PCSK6: variants seen among roughly 807,000 people sequenced by gnomAD.
PCSK6 encodes paired basic amino acid cleaving enzyme 4.
A neutral mutation model predicts 123.3 loss-of-function variants in PCSK6; 85 were observed. The observed-to-expected ratio is 0.69, with a 90% CI of 0.58 to 0.83. The LOEUF (loss-of-function observed/expected upper bound fraction) is 0.83. PCSK6 is among the 40% of genes least tolerant of loss of function. PCSK6 has a pLI of 0.00. For synonymous variants in PCSK6, 508 were observed against 516.0 expected, an observed-to-expected ratio of 0.98 and a Z score of 0.21; for missense variants, 1,191 against 1,282.3, an observed-to-expected ratio of 0.93 and a Z score of 1.09.
At chr15:101,450,230 C>T (rs960563062) in intron 1 of PCSK6, among the ~76,000 whole-genome samples, 4 of 151,940 alleles carry the variant, frequency 2.6e-5, no homozygotes, top group Non-Finnish European at 5.9e-5. Context: ...CGCACTGACA[C>T]TCCCACCCTG....
rs918689324 is a variant in PCSK6, at chr15:101,398,028, C to T, written c.996+376G>A. ...TTCCACAGCTGGGTGTTTCTAAGGG[C>T]AGGTGGGCCGAGGCCCCTGCAGAGT... On this transcript the variant is annotated intron_variant, in intron 7 of 21. Coordinates refer to ENST00000611716, the MANE Select transcript of PCSK6 (RefSeq NM_002570.5). The surrounding 1 kb of genome is among the most constrained non-coding windows in gnomAD (Gnocchi z 4.6). Among the ~76,000 whole-genome samples the T allele has an allele frequency of 3.3e-5, 5 of 152,222 alleles. No individual in the cohort carries two copies. The highest frequency in any genetic ancestry group is 1.2e-4 in the African/African-American group (5 of 41,460).
At chr15:101,458,285 G>A (rs2057243017) in intron 1 of PCSK6, among the ~76,000 whole-genome samples, 1 of 152,232 alleles carries the variant, frequency 6.6e-6, no homozygotes, top group South Asian at 2.1e-4. Flanking sequence ...AGTGCTGTGT[G>A]TTCGCTTTGC....
intron 20 of PCSK6, among the ~76,000 whole-genome samples, chr15:101,310,554 A>G (rs2039832005): frequency 6.6e-6 from 1 of 152,212 alleles, no homozygotes; most frequent in Non-Finnish European, 1.5e-5. Flanking sequence ...ACTTCAGACA[A>G]CTGTGCCCAG....
intron 2 of PCSK6, among the ~76,000 whole-genome samples, chr15:101,432,532 G>A (rs1391260290): frequency 1.3e-5 from 2 of 151,962 alleles, no homozygotes; most frequent in Middle Eastern, 3.2e-3. Context: ...AGGAGACTGA[G>A]GTGAAAGGAT....
chr15:101,489,607 C>T lies in PCSK6; in HGVS notation c.64G>A (p.Asp22Asn), dbSNP rs1433027406. 4.1e-6 allele frequency: 4 copies of T among 975,330 alleles called. No homozygotes were observed. Among genetic ancestry groups the T allele is most frequent in the Non-Finnish European group, 4.8e-6 (4 of 825,514 alleles). 60.4% of individuals were successfully genotyped at this position (975,330 alleles called of 1,614,324 possible). ...GCGCCCCCCGCGCCCGCGGCGGTGT[C>T]GGTGGCGGCGGCGGCCCGGGGCGGC... ...RPPPRAAAAT[D>N]TAAGAGGAGG... The change falls in exon 1 of 22, where the codon GAC (aspartate) becomes AAC (asparagine). Residue 22 changes from aspartate (D) to asparagine (N), a missense_variant. Physicochemically the swap from Asp to Asn is conservative, Grantham distance 23. Coordinates refer to ENST00000611716, the MANE Select transcript of PCSK6 (RefSeq NM_002570.5).
chr15:101,487,609 A>C (rs2058049088), intron 1 of PCSK6, among the ~76,000 whole-genome samples: 2 of 152,232 alleles, frequency 1.3e-5, no homozygotes, highest in African/African-American at 4.8e-5. Flanking sequence ...CATTCTGCTC[A>C]TTTAATTTTA....
At chr15:101,427,763 T>A in intron 6 of PCSK6, 129 bp downstream of exon 6, 3 of 661,628 alleles carry the variant, frequency 4.5e-6, no homozygotes, top group Non-Finnish European at 5.2e-6. Context: ...CACTGCTGCG[T>A]CTGGCCCAGG....
At chr15:101,352,137 A>AT (rs56844456) in intron 13 of PCSK6, among the ~76,000 whole-genome samples, 20,724 of 96,856 alleles carry the variant, frequency 0.21, 3,595 homozygotes, top group Non-Finnish European at 0.25. Context: ...TATTTTTCTA[A>AT]TTTTTTTTTT....
At chr15:101,360,950 C>T (rs1323567459) in intron 13 of PCSK6, among the ~76,000 whole-genome samples, 3 of 152,222 alleles carry the variant, frequency 2.0e-5, no homozygotes, top group African/African-American at 7.2e-5. Flanking sequence ...TCACGGCCTC[C>T]TCTGCCTTCC....
At chr15:101,453,501 AG>A (rs1218530091) in intron 1 of PCSK6, among the ~76,000 whole-genome samples, 3 of 152,188 alleles carry the variant, frequency 2.0e-5, no homozygotes, top group Non-Finnish European at 4.4e-5. Context: ...GTCAGGGAGG[AG>A]GTGAGCCTGC....
At chr15:101,488,894 GGC>G (rs1299363652) in intron 1 of PCSK6, among the ~76,000 whole-genome samples, 1 of 150,512 alleles carries the variant, frequency 6.6e-6, no homozygotes, top group Non-Finnish European at 1.5e-5. Flanking sequence ...CGGCCGCCTT[GGC>G]GCGCGCACCG....
intron 1 of PCSK6, among the ~76,000 whole-genome samples, chr15:101,481,693 C>T (rs1408586101): frequency 1.3e-5 from 2 of 152,108 alleles, no homozygotes; most frequent in Admixed American, 6.5e-5. Context: ...ATGGTGACCT[C>T]TAGGCCTCCA....
intron 12 of PCSK6, among the ~76,000 whole-genome samples, chr15:101,368,520 G>A (rs2041469255): frequency 6.6e-6 from 1 of 152,192 alleles, no homozygotes; most frequent in African/African-American, 2.4e-5. Flanking sequence ...AGCAGGGTGT[G>A]GGCCAACTCT....
At chr15:101,389,435 T>C in intron 9 of PCSK6, 29 bp downstream of exon 9, 1 of 1,548,192 alleles carries the variant, frequency 6.5e-7, no homozygotes, top group Non-Finnish European at 8.9e-7. Context: ...ACATTTTTTT[T>C]TTTTAGAAAA....
intron 13 of PCSK6, among the ~76,000 whole-genome samples, chr15:101,358,006 C>T (rs1450236861): frequency 6.6e-6 from 1 of 152,200 alleles, no homozygotes; most frequent in Non-Finnish European, 1.5e-5. Flanking sequence ...CCCAGACCTG[C>T]CCCTGGAAGG....
intron 2 of PCSK6, among the ~76,000 whole-genome samples, chr15:101,442,345 C>T (rs2056776945): frequency 1.3e-5 from 2 of 152,128 alleles, no homozygotes; most frequent in East Asian, 1.9e-4. Flanking sequence ...TCCATCCACC[C>T]ACCTATAAAA....
At chr15:101,424,284 G>C (rs909271500) in intron 6 of PCSK6, among the ~76,000 whole-genome samples, 1 of 148,322 alleles carries the variant, frequency 6.7e-6, no homozygotes, top group Non-Finnish European at 1.5e-5. Flanking sequence ...TTCTTAAAAG[G>C]GAACAACAAT....
intron 6 of PCSK6, among the ~76,000 whole-genome samples, chr15:101,403,916 T>C (rs2042691198): frequency 6.6e-6 from 1 of 152,204 alleles, no homozygotes; most frequent in Non-Finnish European, 1.5e-5. Flanking sequence ...AAACGGGGTT[T>C]CACCACGTTG....
chr15:101,413,364 C>A (rs551202994), intron 6 of PCSK6, among the ~76,000 whole-genome samples: 2 of 151,548 alleles, frequency 1.3e-5, no homozygotes, highest in East Asian at 3.9e-4. Context: ...AATGTAATAC[C>A]AAGGGTAGCC....
Sources: gnomAD v4.1 joint callset for allele counts (sites outside exome capture counted in the v4.1 genomes callset) on GRCh38, gnomAD v4.1.1 for gene constraint, Gnocchi (gnomAD v3.1) non-coding constraint, MANE v1.5 for transcripts, NCBI Gene and HGNC (gene_info 2026-07-23, HGNC 2026-07-21) for gene names.